Variants in KIAA1958 observed in about 807,000 individuals in gnomAD.
KIAA1958 encodes the protein KIAA1958, also known as uncharacterized protein KIAA1958.
KIAA1958 carries 14 observed loss-of-function variants against 47.2 expected under a neutral mutation model. The ratio of observed to expected loss-of-function variants is 0.30; its 90% confidence interval spans 0.20 to 0.46. The LOEUF (loss-of-function observed/expected upper bound fraction) is 0.46, where lower values mean the gene tolerates loss of function less well. Ranked by LOEUF, KIAA1958 falls within the 20% of genes least tolerant of loss-of-function variation. The pLI is 1.00. For missense variants in KIAA1958, 803 were observed against 909.2 expected (o/e 0.88, Z 1.50); for synonymous variants, 354 against 353.3 (o/e 1.00, Z -0.02).
At chr9:112,525,984 CTTCTTCTTCTTCTTCTT>C (rs1564159532) in intron 1 of KIAA1958, among the ~76,000 whole-genome samples, 1 of 1,734 alleles carries the variant, frequency 5.8e-4, no homozygotes, top group African/African-American at 8.6e-3. Flanking sequence ...TCTTCTTCTT[CTTCTTCTTCTTCTTCTT>C]TTTTTTTTTA....
intron 2 of KIAA1958, among the ~76,000 whole-genome samples, chr9:112,594,499 A>G (rs142012647): frequency 1.1e-3 from 166 of 152,300 alleles, no homozygotes; most frequent in Non-Finnish European, 1.9e-3. Context: ...TAGGTGTACA[A>G]TGTGGTTTCT....
At chr9:112,512,433 GA>G (rs954329758) in intron 1 of KIAA1958, among the ~76,000 whole-genome samples, 2 of 151,518 alleles carry the variant, frequency 1.3e-5, no homozygotes, top group African/African-American at 4.8e-5. Context: ...AAAAAAATTT[GA>G]AAAAATCAAA....
intron 1 of KIAA1958, among the ~76,000 whole-genome samples, chr9:112,532,577 A>T (rs1342890220): frequency 6.6e-6 from 1 of 152,132 alleles, no homozygotes; most frequent in Non-Finnish European, 1.5e-5. Context: ...GAAGGTTCTG[A>T]TGTGTGTATA....
chr9:112,599,332 C>G (rs1416275186), intron 2 of KIAA1958, among the ~76,000 whole-genome samples: 2 of 151,648 alleles, frequency 1.3e-5, no homozygotes, highest in Non-Finnish European at 2.9e-5. Context: ...CTTTTTTAAA[C>G]TAAAGTTTAT....
At chr9:112,529,174 T>A (rs1296979943) in intron 1 of KIAA1958, among the ~76,000 whole-genome samples, 1 of 152,262 alleles carries the variant, frequency 6.6e-6, no homozygotes, top group African/African-American at 2.4e-5. Flanking sequence ...ATTATCTACC[T>A]ATATCTACAT....
rs1833866391 is a variant in KIAA1958 at position 112,487,044 on chromosome 9, G to A, written c.-99G>A. 9.2e-6 allele frequency: 2 copies of A among 216,358 alleles called. No homozygotes were observed. Among genetic ancestry groups the A allele is most frequent in the Non-Finnish European group, 1.9e-5 (2 of 107,086 alleles). The allele number at this position is 216,358 out of a possible 1,614,324, so 13.4% of individuals were successfully genotyped here. A position where few individuals can be genotyped will look rare whatever the true frequency, so the allele number is the denominator to read the frequency against. On this transcript the variant is annotated 5_prime_UTR_variant, in exon 1 of 4. Transcript: ENST00000337530. ...GCGCCCCTTCGGCCCGTCCCGTCCA[G>A]CCCGGGCTGCCCGGCTCTCGCAGGC...
At chr9:112,639,830 C>T (rs1811316094) in intron 2 of KIAA1958, among the ~76,000 whole-genome samples, 1 of 152,130 alleles carries the variant, frequency 6.6e-6, no homozygotes, top group African/African-American at 2.4e-5. Context: ...TCTACCTCAT[C>T]CTGCCCTACC....
rs116784629 is a variant in KIAA1958, at chr9:112,510,845, C to T, written c.-25+23727C>T. Among the ~76,000 whole-genome samples the T allele has an allele frequency of 9.6e-3, 1,457 of 152,080 alleles. 15 individuals are homozygous for T. Among genetic ancestry groups the T allele is most frequent in the African/African-American group, 0.033 (1,380 of 41,478 alleles). ...TCAGAGAGCTTTTCTAATAAGGAGA[C>T]ACTTATGCAGATCTAAAGGTTGTGA... On this transcript the variant is annotated intron_variant, in intron 1 of 3. Transcript: ENST00000337530.
intron 1 of KIAA1958, among the ~76,000 whole-genome samples, chr9:112,537,376 C>T (rs1051040850): frequency 6.6e-6 from 1 of 152,136 alleles, no homozygotes; most frequent in Non-Finnish European, 1.5e-5. Context: ...GCTGGGATTA[C>T]AGGCGTGAGC....
rs41280185 is a variant in KIAA1958, at chr9:112,666,602, A to G, written c.*6533A>G. On this transcript the variant is annotated 3_prime_UTR_variant, in exon 4 of 4. Transcript: ENST00000337530. ...TCCCAGAAAAACCCAGAAGAAGGCC[A>G]AATCTCAATTCTAGAATCTAGAAGG... The G allele has an allele frequency of 9.9e-5, 15 of 152,226 alleles. No individual in the cohort carries two copies. 9.4% of individuals were successfully genotyped at this position (152,226 alleles called of 1,614,324 possible). A position where few individuals can be genotyped will look rare whatever the true frequency, so the allele number is the denominator to read the frequency against.
At chr9:112,645,039 G>A (rs1183703358) in intron 2 of KIAA1958, among the ~76,000 whole-genome samples, 1 of 151,906 alleles carries the variant, frequency 6.6e-6, no homozygotes, top group East Asian at 1.9e-4. Flanking sequence ...GGAGGCTGAG[G>A]CAGGAGAATC....
chr9:112,584,221 C>T (rs78130786), intron 2 of KIAA1958, among the ~76,000 whole-genome samples: 2,848 of 152,230 alleles, frequency 0.019, 90 homozygotes, highest in African/African-American at 0.064. Context: ...GTTACTTAAC[C>T]TTTCTGTGGC....
chr9:112,535,138 G>A (rs1017229167), intron 1 of KIAA1958, among the ~76,000 whole-genome samples: 2 of 152,118 alleles, frequency 1.3e-5, no homozygotes, highest in South Asian at 2.1e-4. Flanking sequence ...CAGTTTTCAA[G>A]TGTACGATAT....
At chr9:112,502,643 A>G (rs944827507) in intron 1 of KIAA1958, among the ~76,000 whole-genome samples, 2 of 152,242 alleles carry the variant, frequency 1.3e-5, no homozygotes, top group Admixed American at 1.3e-4. Context: ...TTGAAAAGAT[A>G]GAGATACATG....
At chr9:112,583,212 G>A (rs1835763496) in intron 2 of KIAA1958, among the ~76,000 whole-genome samples, 1 of 152,202 alleles carries the variant, frequency 6.6e-6, no homozygotes, top group Non-Finnish European at 1.5e-5. Context: ...GGGCAGTCCT[G>A]TGACCTTAGG....
intron 2 of KIAA1958, among the ~76,000 whole-genome samples, chr9:112,609,176 A>G (rs1256648346): frequency 3.3e-5 from 5 of 152,188 alleles, no homozygotes; most frequent in Non-Finnish European, 7.3e-5. Flanking sequence ...AAATCACAAT[A>G]TAACTATAAA....
rs1170694796 is a variant in KIAA1958 at position 112,618,043 on chromosome 9, C to T, written c.1172-27607C>T. ...AGTTGGATGCCTACCTTGCCTCTTTCTTTGTTGATGCCAGGCAGAAGGATG... is the reference window on the plus strand; with the variant it reads ...AGTTGGATGCCTACCTTGCCTCTTTTTTTGTTGATGCCAGGCAGAAGGATG... On this transcript the variant is annotated intron_variant, in intron 2 of 3. Coordinates refer to ENST00000337530, the MANE Select transcript of KIAA1958 (RefSeq NM_133465.4). This position sits in a 1 kb window ranked among gnomAD's most constrained non-coding sequence, Gnocchi z 7.1. 1 of 1,550,490 alleles carries T rather than the reference C, an allele frequency of 6.4e-7. No individual in the cohort carries two copies. The highest frequency in any genetic ancestry group is 1.4e-5 in the African/African-American group (1 of 73,032).
chr9:112,569,363 A>G (rs956480225), intron 1 of KIAA1958, among the ~76,000 whole-genome samples: 2 of 152,110 alleles, frequency 1.3e-5, no homozygotes, highest in African/African-American at 2.4e-5. Flanking sequence ...TTCTTATCCT[A>G]TTGTGCACAT....
intron 1 of KIAA1958, among the ~76,000 whole-genome samples, chr9:112,500,906 T>C (rs1834124462): frequency 1.3e-5 from 2 of 150,962 alleles, no homozygotes; most frequent in African/African-American, 4.9e-5. Context: ...CCCAGGAATT[T>C]CAAGATCAGC....
Sources: gnomAD v4.1 joint callset for allele counts (sites outside exome capture counted in the v4.1 genomes callset) on GRCh38, gnomAD v4.1.1 for gene constraint, Gnocchi (gnomAD v3.1) non-coding constraint, MANE v1.5 for transcripts, NCBI Gene and HGNC (gene_info 2026-07-23, HGNC 2026-07-21) for gene names.